Variants in SLCO5A1 observed in about 807,000 individuals in gnomAD.
The protein encoded by SLCO5A1 is organic anion transporter polypeptide-related protein 4.
SLCO5A1 carries 39 observed loss-of-function variants against 65.1 expected under a neutral mutation model. The observed-to-expected ratio is 0.60, with a 90% CI of 0.46 to 0.78. SLCO5A1 has a LOEUF of 0.78. Ranked by LOEUF, SLCO5A1 falls within the 30% of genes least tolerant of loss-of-function variation. SLCO5A1 has a pLI of 0.00. For synonymous variants in SLCO5A1, 438 were observed against 415.7 expected (o/e 1.05, Z -0.65); for missense variants, 1,029 against 1,069.4 (o/e 0.96, Z 0.53).
At position 69,832,831 on chromosome 8, in the gene SLCO5A1, G is replaced by A; in HGVS notation, c.-158C>T. ...GCGCAGCAGGGCATCCTCACCAGCT[G>A]CGAGGCGCCCAGTGCATCCTGATCA... On this transcript the variant is annotated 5_prime_UTR_variant, in exon 2 of 10. Coordinates refer to ENST00000260126, the MANE Select transcript of SLCO5A1 (RefSeq NM_030958.3). This position sits in a 1 kb window ranked among gnomAD's most constrained non-coding sequence, Gnocchi z 4.5. 1.3e-6 allele frequency: 1 copy of A among 796,384 alleles called. No individual in the cohort carries two copies. The highest frequency in any genetic ancestry group is 1.9e-6 in the Non-Finnish European group (1 of 516,586). 49.3% of individuals were successfully genotyped at this position (796,384 alleles called of 1,614,324 possible).
intron 2 of SLCO5A1, among the ~76,000 whole-genome samples, chr8:69,802,058 T>C (rs1277041980): frequency 6.6e-6 from 1 of 152,178 alleles, no homozygotes; most frequent in Non-Finnish European, 1.5e-5. Context: ...CCCAAATGCA[T>C]TTCAAAGAAC....
intron 2 of SLCO5A1, among the ~76,000 whole-genome samples, chr8:69,797,863 C>A (rs144518369): frequency 7.6e-4 from 115 of 152,308 alleles, no homozygotes; most frequent in African/African-American, 2.7e-3. Context: ...TCTCGCCCTG[C>A]CTCCATTTGC....
At chr8:69,754,080 T>C (rs896919153) in intron 4 of SLCO5A1, among the ~76,000 whole-genome samples, 2 of 151,586 alleles carry the variant, frequency 1.3e-5, no homozygotes, top group African/African-American at 4.9e-5. Context: ...CTTATCTCAA[T>C]TGAGTTGTGA....
chr8:69,778,834 T>C (rs1171859777), intron 2 of SLCO5A1, among the ~76,000 whole-genome samples: 1 of 152,180 alleles, frequency 6.6e-6, no homozygotes, highest in African/African-American at 2.4e-5. Context: ...ATCAATAATC[T>C]CTGAAGAATG....
intron 2 of SLCO5A1, among the ~76,000 whole-genome samples, chr8:69,762,187 TTTCTTTC>T (rs1817823638): frequency 1.2e-5 from 1 of 82,482 alleles, no homozygotes; most frequent in African/African-American, 4.5e-5. Flanking sequence ...TCTTTCTTTC[TTTCTTTC>T]TTTCTTTTTT....
intron 2 of SLCO5A1, among the ~76,000 whole-genome samples, chr8:69,819,979 A>G (rs1376983031): frequency 6.6e-6 from 1 of 152,162 alleles, no homozygotes; most frequent in East Asian, 1.9e-4. Flanking sequence ...AAAACAAAAC[A>G]AAACAGTTCT....
chr8:69,815,369 A>T (rs953012822), intron 2 of SLCO5A1, among the ~76,000 whole-genome samples: 1 of 152,202 alleles, frequency 6.6e-6, no homozygotes, highest in Non-Finnish European at 1.5e-5. Context: ...CTGTAAAAAT[A>T]GTCCTTGTTA....
intron 2 of SLCO5A1, among the ~76,000 whole-genome samples, chr8:69,794,974 A>G (rs1316617085): frequency 6.6e-6 from 1 of 152,182 alleles, no homozygotes; most frequent in Non-Finnish European, 1.5e-5. Flanking sequence ...AAATCTCACA[A>G]TAACTCACTC....
chr8:69,802,870 A>C lies in SLCO5A1; in HGVS notation c.907+28897T>G, dbSNP rs527595070. Among the ~76,000 whole-genome samples the C allele has an allele frequency of 1.8e-3, 267 of 152,330 alleles. 1 individual carries two copies. The highest frequency in any genetic ancestry group is 6.2e-3 in the African/African-American group (259 of 41,572). Reference sequence around the variant, plus strand: ...TACATGATATATGTCTGCCTCTTGCACCAGCACAGAGGCTCCCAGAGGCGA... The same window carrying C: ...TACATGATATATGTCTGCCTCTTGCCCCAGCACAGAGGCTCCCAGAGGCGA... On this transcript the variant is annotated intron_variant, in intron 2 of 9. Transcript: ENST00000260126.
At chr8:69,724,683 G>T (rs1815983705) in intron 5 of SLCO5A1, among the ~76,000 whole-genome samples, 1 of 152,176 alleles carries the variant, frequency 6.6e-6, no homozygotes, top group Non-Finnish European at 1.5e-5. Context: ...TTAGAAAAAA[G>T]AGTAAGGTAT....
At chr8:69,695,074 AG>A in intron 6 of SLCO5A1, among the ~76,000 whole-genome samples, 1 of 152,350 alleles carries the variant, frequency 6.6e-6, no homozygotes, top group South Asian at 2.1e-4. Flanking sequence ...AAGGGAGTAG[AG>A]ATAAGAAACT....
intron 4 of SLCO5A1, 98 bp downstream of exon 4, chr8:69,755,326 G>T: frequency 1.1e-6 from 1 of 923,172 alleles, no homozygotes; most frequent in Admixed American, 2.5e-5. Flanking sequence ...TACTTATCTG[G>T]CCACAGACAG....
intron 6 of SLCO5A1, 83 bp from the exon 7 acceptor site, chr8:69,682,426 C>T (rs1813824848): frequency 6.1e-6 from 8 of 1,304,702 alleles, no homozygotes; most frequent in Non-Finnish European, 8.0e-6. Context: ...ATAATTTGTC[C>T]ATTTTAGAGA....
chr8:69,705,823 G>C (rs781445999), intron 5 of SLCO5A1, among the ~76,000 whole-genome samples: 3 of 152,326 alleles, frequency 2.0e-5, no homozygotes, highest in Middle Eastern at 3.4e-3. Flanking sequence ...AACGTACTGG[G>C]AACTCTCAAC....
rs1375403180 is a variant in SLCO5A1, at chr8:69,834,447, A to G, written c.-497+407T>C. ...CATCTCCCTCGGCTGTGCTGGGCCA[A>G]ACCCGCTCCCAGATTCCCGGCCTGC... On this transcript the variant is annotated intron_variant, in intron 1 of 9. Coordinates refer to ENST00000260126, the MANE Select transcript of SLCO5A1 (RefSeq NM_030958.3). 2.0e-5 allele frequency among the ~76,000 whole-genome samples: 3 copies of G among 152,188 alleles called. No individual in the cohort carries two copies. The East Asian group carries it at 5.8e-4, about 29-fold the overall frequency.
chr8:69,676,542 A>C, intron 9 of SLCO5A1, 67 bp downstream of exon 9: 3 of 1,362,284 alleles, frequency 2.2e-6, no homozygotes, highest in East Asian at 2.3e-5. Flanking sequence ...CCATTTTTAA[A>C]GGACAGTGAA....
intron 1 of SLCO5A1, chr8:69,834,195 T>C (rs1821310930): frequency 6.5e-6 from 1 of 153,382 alleles, no homozygotes. Flanking sequence ...CGAAAACAGG[T>C]GTGCCCCCGT....
At chr8:69,822,090 C>A (rs1019407088) in intron 2 of SLCO5A1, among the ~76,000 whole-genome samples, 2 of 151,952 alleles carry the variant, frequency 1.3e-5, no homozygotes, top group African/African-American at 4.8e-5. Context: ...AGTGCCATTG[C>A]GCTCCAGCCT....
intron 5 of SLCO5A1, among the ~76,000 whole-genome samples, chr8:69,731,212 C>T (rs112655233): frequency 0.03 from 4,628 of 152,224 alleles, 241 homozygotes; most frequent in African/African-American, 0.1. Flanking sequence ...GCTGGCCAGG[C>T]TAGTCTCAAA....
Sources: allele counts gnomAD v4.1 joint callset (sites outside exome capture counted in the v4.1 genomes callset), GRCh38; gene constraint gnomAD v4.1.1; non-coding constraint Gnocchi (gnomAD v3.1); transcripts MANE v1.5; gene names NCBI Gene and HGNC (gene_info 2026-07-23, HGNC 2026-07-21).